Variants in CDH3 observed in about 807,000 individuals in gnomAD.
The protein encoded by CDH3 is cadherin 3.
CDH3 carries 54 observed loss-of-function variants against 82.0 expected under a neutral mutation model. That is an observed-to-expected ratio of 0.66 (90% CI 0.53 to 0.83). The LOEUF is 0.83. Among genes scored for constraint, CDH3 ranks in the 40% least tolerant of loss-of-function variants. The pLI, the probability that CDH3 is intolerant of heterozygous loss-of-function variation, is 0.00. For missense variants in CDH3, 1,054 were observed against 1,084.6 expected (o/e 0.97, Z 0.40); for synonymous variants, 446 against 437.9 (o/e 1.02, Z -0.23).
At chr16:68,670,124 T>G (rs1404758666) in intron 2 of CDH3, among the ~76,000 whole-genome samples, 1 of 147,808 alleles carries the variant, frequency 6.8e-6, no homozygotes, top group Non-Finnish European at 1.5e-5. Context: ...CTCGGGAGGC[T>G]GAGGCAGGAG....
Position 68,677,642 on chromosome 16 carries a change from G to A in CDH3, c.247-492G>A, listed in dbSNP as rs549968167. On this transcript the variant is annotated intron_variant, in intron 3 of 15. Coordinates refer to ENST00000264012, the MANE Select transcript of CDH3 (RefSeq NM_001793.6). ...AATCCCAGCTACTCAGGAGGCTGAG[G>A]CAGGAGAATCACTTGAACCTGGGAG... 7.9e-5 allele frequency among the ~76,000 whole-genome samples: 12 copies of A among 152,324 alleles called. No individual in the cohort carries two copies. In the South Asian group the frequency reaches 2.3e-3, roughly 29 times the overall value.
intron 2 of CDH3, among the ~76,000 whole-genome samples, chr16:68,724,844 C>T (rs943842267): frequency 6.6e-6 from 1 of 152,078 alleles, no homozygotes; most frequent in African/African-American, 2.4e-5. Context: ...AATCAGAGAG[C>T]CCTTTGTCTC....
the CDH3 span, among the ~76,000 whole-genome samples, chr16:68,732,755 C>T: frequency 6.6e-6 from 1 of 152,168 alleles, no homozygotes; most frequent in African/African-American, 2.4e-5. Flanking sequence ...ATTCAGGGAC[C>T]CCACCAGAGC....
At chr16:68,713,676 A>G (rs1275581576) in intron 1 of CDH3, among the ~76,000 whole-genome samples, 1 of 152,038 alleles carries the variant, frequency 6.6e-6, no homozygotes, top group African/African-American at 2.4e-5. Flanking sequence ...GACCTACTGG[A>G]CAAGGGCCAA....
chr16:68,692,000 T>A (rs1018079321), intron 13 of CDH3, 74 bp downstream of exon 13: 3 of 1,252,232 alleles, frequency 2.4e-6, no homozygotes, highest in East Asian at 4.8e-5. Flanking sequence ...GAGCTTTAAC[T>A]CCTGGAACTA....
chr16:68,658,420 C>T (rs1340655018), intron 2 of CDH3, among the ~76,000 whole-genome samples: 1 of 152,138 alleles, frequency 6.6e-6, no homozygotes, highest in African/African-American at 2.4e-5. Context: ...AGCCTTGAGG[C>T]CCTAACTTCC....
chr16:68,676,412 C>T lies in CDH3; in HGVS notation c.188C>T (p.Pro63Leu), dbSNP rs779463050. The stretch of plus-strand genomic sequence containing the variant: ...TTCATGGGCTGCCCTGGGCAAGAGC[C>T]AGCTCTGTTTAGCACTGATAATGAT... ...KVFMGCPGQEPALFSTDNDDF... is the reference protein window; with the variant it reads ...KVFMGCPGQELALFSTDNDDF... The change falls in exon 3 of 16, where the codon CCA becomes CTA. Residue 63 changes from proline (P) to leucine (L), a missense_variant. By Grantham distance (98) the Pro-to-Leu change is moderately conservative. Transcript: ENST00000264012. The T allele has an allele frequency of 1.2e-6, 2 of 1,613,942 alleles. No individual in the cohort carries two copies. Among genetic ancestry groups the T allele is most frequent in the African/African-American group, 1.3e-5 (1 of 74,934 alleles).
chr16:68,671,499 T>A (rs1960881762), intron 2 of CDH3, among the ~76,000 whole-genome samples: 1 of 150,854 alleles, frequency 6.6e-6, no homozygotes, highest in African/African-American at 2.4e-5. Flanking sequence ...GATTAGGGCC[T>A]AGCCTAATGA....
chr16:68,658,648 C>T (rs1338406956), intron 2 of CDH3, among the ~76,000 whole-genome samples: 2 of 152,178 alleles, frequency 1.3e-5, no homozygotes, highest in Non-Finnish European at 2.9e-5. Flanking sequence ...CCCACACAAG[C>T]CAGGACAGGA....
chr16:68,679,556 G>T (rs531313093), intron 6 of CDH3, among the ~76,000 whole-genome samples: 1 of 151,844 alleles, frequency 6.6e-6, no homozygotes, highest in African/African-American at 2.4e-5. Context: ...TTAGCCGGGC[G>T]TGGTGGCGGG....
At chr16:68,723,871 C>A (rs1373703978) in intron 2 of CDH3, among the ~76,000 whole-genome samples, 1 of 152,098 alleles carries the variant, frequency 6.6e-6, no homozygotes, top group African/African-American at 2.4e-5. Context: ...AGATCGAGAC[C>A]ATCCCGGCTA....
intron 2 of CDH3, among the ~76,000 whole-genome samples, chr16:68,654,702 CAA>C (rs199604730): frequency 0.018 from 2,267 of 124,226 alleles, 40 homozygotes; most frequent in Non-Finnish European, 0.024. Flanking sequence ...GACTCTGTCT[CAA>C]AAAAAAAAAA....
chr16:68,678,231 C>A lies in CDH3; in HGVS notation c.344C>A (p.Ser115Tyr), dbSNP rs1350205078. 6.2e-7 allele frequency: 1 copy of A among 1,614,108 alleles called. No individual in the cohort carries two copies. The highest frequency in any genetic ancestry group is 1.1e-5 in the South Asian group (1 of 91,084). ...HKRDWVVAPI[S>Y]VPENGKGPFP... Reference sequence around the variant, plus strand: ...AGAGATTGGGTGGTTGCTCCAATATCTGTCCCTGAAAATGGCAAGGGTCCC... The same window carrying A: ...AGAGATTGGGTGGTTGCTCCAATATATGTCCCTGAAAATGGCAAGGGTCCC... The change falls in exon 4 of 16, where the codon TCT becomes TAT. Residue 115 changes from serine to tyrosine, a missense_variant. By Grantham distance (144) the Ser-to-Tyr change is moderately radical. Coordinates refer to ENST00000264012, the MANE Select transcript of CDH3 (RefSeq NM_001793.6).
At position 68,684,828 on chromosome 16, in the gene CDH3, C is replaced by G. The variant is rs1370978902; in HGVS notation, c.1424+4C>G. 1 of 1,614,016 alleles carries G rather than the reference C, an allele frequency of 6.2e-7. No homozygotes were observed. The highest frequency in any genetic ancestry group is 8.5e-7 in the Non-Finnish European group (1 of 1,180,036). On this transcript the variant is annotated splice_donor_region_variant and intron_variant, in intron 10 of 15. Transcript: ENST00000264012. ...ACAAGGAGAATCAAAAGATCAGGTA[C>G]TCAGGAGCTGGGCTCAGTAAGCAGC...
intron 10 of CDH3, 39 bp downstream of exon 10, chr16:68,684,863 T>C (rs1224988188): frequency 1.2e-6 from 2 of 1,613,186 alleles, no homozygotes; most frequent in Non-Finnish European, 1.7e-6. Context: ...CACGTACTGG[T>C]ACAGTTGGTG....
chr16:68,716,066 C>T (rs940362848), intron 1 of CDH3, among the ~76,000 whole-genome samples: 3 of 152,018 alleles, frequency 2.0e-5, no homozygotes, highest in South Asian at 2.1e-4. Context: ...ATCAGGAATT[C>T]GAGACCTGCT....
intron 1 of CDH3, 75 bp from the exon 2 acceptor site, chr16:68,645,561 G>A: frequency 6.9e-7 from 1 of 1,456,990 alleles, no homozygotes; most frequent in South Asian, 1.2e-5. Flanking sequence ...GGCCCGTGAG[G>A]ACCCTGCGGT....
intron 2 of CDH3, among the ~76,000 whole-genome samples, chr16:68,673,857 G>A (rs757013572): frequency 6.6e-6 from 1 of 152,120 alleles, no homozygotes; most frequent in Non-Finnish European, 1.5e-5. Flanking sequence ...CCTAGGAGGT[G>A]GAGGTTGCGG....
At chr16:68,695,652 T>C (rs1209510860) in intron 14 of CDH3, 125 bp from the exon 15 acceptor site, 26 of 1,140,190 alleles carry the variant, frequency 2.3e-5, no homozygotes, top group Non-Finnish European at 2.6e-6. Context: ...TGACATCATC[T>C]GTCTTGTAAG....
Sources: allele counts gnomAD v4.1 joint callset (sites outside exome capture counted in the v4.1 genomes callset), GRCh38; gene constraint gnomAD v4.1.1; transcripts MANE v1.5; gene names NCBI Gene and HGNC (gene_info 2026-07-23, HGNC 2026-07-21).